Variants in ZKSCAN1 observed in about 807,000 individuals in gnomAD.
ZKSCAN1 encodes the protein zinc finger with KRAB and SCAN domains 1.
ZKSCAN1 carries 14 observed loss-of-function variants against 51.6 expected under a neutral mutation model. The observed-to-expected ratio is 0.27, with a 90% CI of 0.18 to 0.42. The LOEUF (loss-of-function observed/expected upper bound fraction) is 0.42, where lower values mean the gene tolerates loss of function less well. Among genes scored for constraint, ZKSCAN1 ranks in the 10% least tolerant of loss-of-function variants. The pLI is 1.00. For synonymous variants in ZKSCAN1, 263 were observed against 261.5 expected (o/e 1.01, Z -0.06); for missense variants, 531 against 710.0 (o/e 0.75, Z 2.86).
At position 100,033,051 on chromosome 7, in the gene ZKSCAN1, A is replaced by G. The variant is rs1172564442; in HGVS notation, c.800-254A>G. 6.6e-6 allele frequency among the ~76,000 whole-genome samples: 1 copy of G among 151,666 alleles called. No homozygotes were observed. The highest frequency in any genetic ancestry group is 1.5e-5 in the Non-Finnish European group (1 of 67,958). On this transcript the variant is annotated intron_variant, in intron 5 of 5. Coordinates refer to ENST00000324306, the MANE Select transcript of ZKSCAN1 (RefSeq NM_003439.4). This position sits in a 1 kb window ranked among gnomAD's most constrained non-coding sequence, Gnocchi z 4.1. Reference sequence around the variant, plus strand: ...CCCGGGCGTGGTAGCATGCACCTATAGTCCCAGCTACTTGGGAGGCTGAGG... The same window carrying G: ...CCCGGGCGTGGTAGCATGCACCTATGGTCCCAGCTACTTGGGAGGCTGAGG...
chr7:100,033,206 T>C lies in ZKSCAN1; in HGVS notation c.800-99T>C. 1 of 1,458,436 alleles carries C rather than the reference T, an allele frequency of 6.9e-7. No homozygotes were observed. The highest frequency in any genetic ancestry group is 2.5e-5 in the East Asian group (1 of 40,202). 90.3% of individuals were successfully genotyped at this position (1,458,436 alleles called of 1,614,324 possible). A position where few individuals can be genotyped will look rare whatever the true frequency, so the allele number is the denominator to read the frequency against. ...AAAAATAAAAATATTGCAAAGTCAT[T>C]TTGCAGCCGTGTAGAAGCTTCTCGG... is the stretch of plus-strand genomic sequence containing the variant. On this transcript the variant is annotated intron_variant, in intron 5 of 5. Coordinates refer to ENST00000324306, the MANE Select transcript of ZKSCAN1 (RefSeq NM_003439.4). This position sits in a 1 kb window ranked among gnomAD's most constrained non-coding sequence, Gnocchi z 4.1.
chr7:100,021,770 G>T, intron 1 of ZKSCAN1, among the ~76,000 whole-genome samples: 1 of 149,042 alleles, frequency 6.7e-6, no homozygotes. Flanking sequence ...TTCCTGATAG[G>T]GCTTTGCTCT....
chr7:100,019,599 A>G (rs890430411), intron 1 of ZKSCAN1, among the ~76,000 whole-genome samples: 3 of 152,160 alleles, frequency 2.0e-5, no homozygotes, highest in African/African-American at 7.2e-5. Context: ...TATAATGGTT[A>G]AAGAGTTTAC....
At chr7:100,029,579 G>A (rs1791011831) in intron 3 of ZKSCAN1, among the ~76,000 whole-genome samples, 1 of 152,142 alleles carries the variant, frequency 6.6e-6, no homozygotes, top group Non-Finnish European at 1.5e-5. Flanking sequence ...TGTGACATTA[G>A]GGAAGTCATT....
chr7:100,042,635 C>T (rs530606942), downstream of ZKSCAN1, among the ~76,000 whole-genome samples: 10 of 152,100 alleles, frequency 6.6e-5, no homozygotes, highest in East Asian at 1.7e-3. Context: ...CCACAATCTT[C>T]TCCTCAGTCT....
In ZKSCAN1 at chr7:100,029,966, C is replaced by T; in HGVS notation, c.672+14C>T. ...GCGGATTCCCAGGTGAGCTGTGGCC[C>T]CTCTGCTCTCCTGAGTCCTCAGTGT... On this transcript the variant is annotated intron_variant, in intron 4 of 5. Transcript: ENST00000324306. The T allele has an allele frequency of 6.2e-7, 1 of 1,613,432 alleles. No homozygotes were observed. The highest frequency in any genetic ancestry group is 8.5e-7 in the Non-Finnish European group (1 of 1,179,384).
rs1354435404 is a variant in ZKSCAN1 at position 100,039,585 on chromosome 7, C to T, written c.*5388C>T. The T allele has an allele frequency of 2.0e-6, 2 of 985,312 alleles. No individual in the cohort carries two copies. Among genetic ancestry groups the T allele is most frequent in the African/African-American group, 3.5e-5 (2 of 57,230 alleles). The allele number at this position is 985,312 out of a possible 1,614,324, so 61.0% of individuals were successfully genotyped here. On this transcript the variant is annotated 3_prime_UTR_variant, in exon 6 of 6. Transcript: ENST00000324306. ...CTTTTTTTAATTTTTATCCTAGAGT[C>T]AGTCACTTTTATTCCAGGTAGTCAT...
At chr7:100,018,773 A>G (rs1277058262) in intron 1 of ZKSCAN1, among the ~76,000 whole-genome samples, 4 of 152,158 alleles carry the variant, frequency 2.6e-5, no homozygotes, top group Admixed American at 2.6e-4. Flanking sequence ...TCATCTGGGA[A>G]ACCTCAAATA....
Position 100,034,331 on chromosome 7 carries a change from G to A in ZKSCAN1, c.*134G>A. On this transcript the variant is annotated 3_prime_UTR_variant, in exon 6 of 6. Transcript: ENST00000324306. ...AAAGTCACACTTAAGGATCCTTCTA[G>A]TCACATCAGCAGTGTTCTGCCTTTA... 1.1e-5 allele frequency: 16 copies of A among 1,461,770 alleles called. No individual in the cohort carries two copies. Among genetic ancestry groups the A allele is most frequent in the Non-Finnish European group, 1.4e-5 (16 of 1,116,958 alleles). The allele number at this position is 1,461,770 out of a possible 1,614,324, so 90.5% of individuals were successfully genotyped here.
Position 100,023,837 on chromosome 7 carries a change from G to A in ZKSCAN1, c.331G>A (p.Glu111Lys). Residue 111 changes from glutamate (E) to lysine (K), a missense_variant, in exon 2 of 6, where the codon GAG becomes AAG. Glu to Lys is a moderately conservative substitution (Grantham distance 56, BLOSUM62 1). Coordinates refer to ENST00000324306, the MANE Select transcript of ZKSCAN1 (RefSeq NM_003439.4). ...LEQFLSILPK[E>K]LQVWLQEYRP... is the part of the protein sequence containing the mutation. ...GCAGTTTCTTTCCATCCTGCCCAAG[G>A]AGCTCCAGGTCTGGCTGCAGGAATA... 6.2e-7 allele frequency: 1 copy of A among 1,614,128 alleles called. No individual in the cohort carries two copies. The highest frequency in any genetic ancestry group is 8.5e-7 in the Non-Finnish European group (1 of 1,180,034).
At chr7:100,042,760 GTA>G (rs1554355904), downstream of ZKSCAN1, among the ~76,000 whole-genome samples, 1 of 146,506 alleles carries the variant, frequency 6.8e-6, no homozygotes, top group Non-Finnish European at 1.5e-5. Flanking sequence ...GTGTGTGTGT[GTA>G]TACGAATACA....
intron 1 of ZKSCAN1, among the ~76,000 whole-genome samples, chr7:100,016,397 G>A (rs1790367460): frequency 6.6e-6 from 1 of 152,122 alleles, no homozygotes; most frequent in Non-Finnish European, 1.5e-5. Flanking sequence ...GACGTTAGGT[G>A]GATTTTTCAA....
At chr7:100,028,699 C>T (rs1790955938) in intron 3 of ZKSCAN1, among the ~76,000 whole-genome samples, 1 of 148,924 alleles carries the variant, frequency 6.7e-6, no homozygotes, top group African/African-American at 2.5e-5. Flanking sequence ...TTATGCATCA[C>T]AGTTATTGTG....
At position 100,031,273 on chromosome 7, in the gene ZKSCAN1, A is replaced by ATTTT. The variant is rs60390216; in HGVS notation, c.799+919_799+922dup. Among the ~76,000 whole-genome samples, 393 of 89,492 alleles carry ATTTT rather than the reference A, an allele frequency of 4.4e-3. 4 individuals carry two copies. Among genetic ancestry groups the ATTTT allele is most frequent in the East Asian group, 6.1e-3 (19 of 3,114 alleles). The allele number at this position is 89,492 out of a possible 152,430, so 58.7% of individuals were successfully genotyped here. ...TGGTACTTGCTCTTTGTACTAGATG[A>ATTTT]TTTTTTTTTTTTTTTTTTTTTTTTG... On this transcript the variant is annotated intron_variant, in intron 5 of 5. Transcript: ENST00000324306.
chr7:100,037,866 A>C lies in ZKSCAN1; in HGVS notation c.*3669A>C. ...CCTTGTCTCTACTAAAAATACAAAA[A>C]AAAATTAGCTGGGCACAGTGGCGCA... On this transcript the variant is annotated 3_prime_UTR_variant, in exon 6 of 6. Coordinates refer to ENST00000324306, the MANE Select transcript of ZKSCAN1 (RefSeq NM_003439.4). 1 of 678,940 alleles carries C rather than the reference A, an allele frequency of 1.5e-6. No individual in the cohort carries two copies. The highest frequency in any genetic ancestry group is 1.8e-6 in the Non-Finnish European group (1 of 550,738). The allele number at this position is 678,940 out of a possible 1,614,324, so 42.1% of individuals were successfully genotyped here. A position where few individuals can be genotyped will look rare whatever the true frequency, so the allele number is the denominator to read the frequency against.
At chr7:100,027,308 A>G (rs1458095802) in intron 3 of ZKSCAN1, among the ~76,000 whole-genome samples, 1 of 151,872 alleles carries the variant, frequency 6.6e-6, no homozygotes, top group African/African-American at 2.4e-5. Context: ...AAAAAAAAAA[A>G]AAGAATTGGT....
At chr7:100,017,247 G>C (rs1462651488) in intron 1 of ZKSCAN1, among the ~76,000 whole-genome samples, 1 of 151,728 alleles carries the variant, frequency 6.6e-6, no homozygotes, top group Non-Finnish European at 1.5e-5. Flanking sequence ...TTTTGAGACA[G>C]AGTCTTGCTC....
At chr7:100,028,631 G>A (rs1024277064) in intron 3 of ZKSCAN1, among the ~76,000 whole-genome samples, 10 of 152,060 alleles carry the variant, frequency 6.6e-5, no homozygotes, top group African/African-American at 2.2e-4. Flanking sequence ...AAATCTAATA[G>A]TACTTGGCAA....
In ZKSCAN1 at chr7:100,037,797, C is replaced by T. The variant is rs1228427009; in HGVS notation, c.*3600C>T. 4.5e-6 allele frequency: 4 copies of T among 885,292 alleles called. No homozygotes were observed. In the South Asian group the frequency reaches 2.1e-4, roughly 46 times the overall value. 54.8% of individuals were successfully genotyped at this position (885,292 alleles called of 1,614,324 possible). A position where few individuals can be genotyped will look rare whatever the true frequency, so the allele number is the denominator to read the frequency against. On this transcript the variant is annotated 3_prime_UTR_variant, in exon 6 of 6. Coordinates refer to ENST00000324306, the MANE Select transcript of ZKSCAN1 (RefSeq NM_003439.4). Reference sequence around the variant, plus strand: ...CTTTGGGAGGCCGAGGCAGGCGGATCACGAGGTCAGTAGTTCGAGACCAGC... The same window carrying T: ...CTTTGGGAGGCCGAGGCAGGCGGATTACGAGGTCAGTAGTTCGAGACCAGC...
Sources: gnomAD v4.1 joint callset for allele counts (sites outside exome capture counted in the v4.1 genomes callset) on GRCh38, gnomAD v4.1.1 for gene constraint, Gnocchi (gnomAD v3.1) non-coding constraint, MANE v1.5 for transcripts, NCBI Gene and HGNC (gene_info 2026-07-23, HGNC 2026-07-21) for gene names.